The following PHACTR2 variants were observed in gnomAD, a reference collection of about 807,000 sequenced individuals.
The protein encoded by PHACTR2 is chromosome 6 open reading frame 56.
In PHACTR2, 30 loss-of-function variants were observed where a neutral mutation model predicts 76.0. The observed-to-expected ratio is 0.39, with a 90% CI of 0.30 to 0.54. PHACTR2 has a LOEUF of 0.54. Among genes scored for constraint, PHACTR2 ranks in the 20% least tolerant of loss-of-function variants. The pLI is 0.61. For synonymous variants in PHACTR2, 292 were observed against 292.5 expected (o/e 1.00, Z 0.02); for missense variants, 696 against 781.1 (o/e 0.89, Z 1.30).
intron 1 of PHACTR2, among the ~76,000 whole-genome samples, chr6:143,665,164 T>A (rs898597461): frequency 6.6e-6 from 1 of 152,232 alleles, no homozygotes; most frequent in African/African-American, 2.4e-5. Flanking sequence ...TTACTTTTAG[T>A]GAATGATTGA....
chr6:143,643,061 T>C (rs1324421105), intron 1 of PHACTR2, among the ~76,000 whole-genome samples: 1 of 152,246 alleles, frequency 6.6e-6, no homozygotes. Flanking sequence ...AGTTTCATTG[T>C]AAATTATTTT....
In PHACTR2 at chr6:143,570,254, A is replaced by G. The variant is rs1775431936; in HGVS notation, c.217+33047A>G. On this transcript the variant is annotated intron_variant, in intron 1 of 11. Transcript: ENST00000367584. This position sits in a 1 kb window ranked among gnomAD's most constrained non-coding sequence, Gnocchi z 4.6. ...TAATGATTTGCTTTGCTGATATTAAAAAACGAGGTTGCTGTTGGTCTGAGT... is the reference window on the plus strand; with the variant it reads ...TAATGATTTGCTTTGCTGATATTAAGAAACGAGGTTGCTGTTGGTCTGAGT... Among the ~76,000 whole-genome samples, 2 of 152,208 alleles carry G rather than the reference A, an allele frequency of 1.3e-5. No homozygotes were observed. The highest frequency in any genetic ancestry group is 6.5e-5 in the Admixed American group (1 of 15,280).
At position 143,597,571 on chromosome 6, in the gene PHACTR2, C is replaced by G. The variant is rs188672264; in HGVS notation, c.217+60364C>G. ...TAATTTGTCCTGGACTCTTGGATTC[C>G]TCTTCTGCTGTCTGTTTTTCCTGAT... On this transcript the variant is annotated intron_variant, in intron 1 of 11. Coordinates refer to the PHACTR2 transcript ENST00000367584. The surrounding 1 kb of genome is among the most constrained non-coding windows in gnomAD (Gnocchi z 5.7). Among the ~76,000 whole-genome samples the G allele has an allele frequency of 1.2e-3, 179 of 152,254 alleles. 1 individual carries two copies. The Middle Eastern group carries it at 0.031, about 26-fold the overall frequency.
rs142497376 is a variant in PHACTR2, at chr6:143,820,289, T to C, written c.1923-3385T>C. On this transcript the variant is annotated intron_variant, in intron 12 of 12. Transcript: ENST00000440869. The surrounding 1 kb of genome is among the most constrained non-coding windows in gnomAD (Gnocchi z 4.2). ...ATGCTTTCCCAAAAGTCCCCCAAAGTCTTAATTCATTCCAGCATTAACTCA... is the reference window on the plus strand; with the variant it reads ...ATGCTTTCCCAAAAGTCCCCCAAAGCCTTAATTCATTCCAGCATTAACTCA... Among the ~76,000 whole-genome samples, 644 of 152,320 alleles carry C rather than the reference T, an allele frequency of 4.2e-3. 2 individuals are homozygous for C. The highest frequency in any genetic ancestry group is 0.014 in the African/African-American group (569 of 41,566).
chr6:143,623,932 A>G lies in PHACTR2; in HGVS notation c.13+15610A>G, dbSNP rs1776206644. On this transcript the variant is annotated intron_variant, in intron 1 of 11. Coordinates refer to the PHACTR2 transcript ENST00000305766. The surrounding 1 kb of genome is among the most constrained non-coding windows in gnomAD (Gnocchi z 5.9). The stretch of plus-strand genomic sequence containing the variant: ...TTCTGGGTACACTCAGAGCACCCCC[A>G]TAATAAGTTGCTAATGACATGGGTC... Among the ~76,000 whole-genome samples, 1 of 152,188 alleles carries G rather than the reference A, an allele frequency of 6.6e-6. No individual in the cohort carries two copies. The highest frequency in any genetic ancestry group is 1.5e-5 in the Non-Finnish European group (1 of 68,032).
At chr6:143,586,289 A>G (rs769303494) in intron 1 of PHACTR2, among the ~76,000 whole-genome samples, 31 of 152,256 alleles carry the variant, frequency 2.0e-4, no homozygotes, top group Non-Finnish European at 3.8e-4. Context: ...TTTTTCTACG[A>G]AACCATCACA....
At position 143,678,697 on chromosome 6, in the gene PHACTR2, A is replaced by G. The variant is rs1355265502; in HGVS notation, c.46+488A>G. Among the ~76,000 whole-genome samples the G allele has an allele frequency of 1.3e-5, 2 of 152,220 alleles. No homozygotes were observed. Among genetic ancestry groups the G allele is most frequent in the Non-Finnish European group, 2.9e-5 (2 of 68,038 alleles). ...CCTGGCAGACGCTGAATACTTAATA[A>G]CTAGCCCCGAAATGCGTAATTGTTT... On this transcript the variant is annotated intron_variant, in intron 1 of 12. Coordinates refer to ENST00000440869, the MANE Select transcript of PHACTR2 (RefSeq NM_001100164.2). This position sits in a 1 kb window ranked among gnomAD's most constrained non-coding sequence, Gnocchi z 6.2.
chr6:143,807,087 A>G lies in PHACTR2; in HGVS notation c.1876A>G (p.Lys626Glu). 6.2e-7 allele frequency: 1 copy of G among 1,606,756 alleles called. No homozygotes were observed. The highest frequency in any genetic ancestry group is 1.7e-5 in the Admixed American group (1 of 59,622). ...AATAAGGAAAGAACTAAATGAATTT[A>G]AAAGCACAGAAATGGAAGTTCATGA... Reference protein sequence around the residue: ...AAIRKELNEFKSTEMEVHEES... With the variant: ...AAIRKELNEFESTEMEVHEES... The change falls in exon 12 of 13, where the codon AAA (lysine) becomes GAA (glutamate). Residue 626 changes from lysine (K) to glutamate (E), a missense_variant. Coordinates refer to ENST00000440869, the MANE Select transcript of PHACTR2 (RefSeq NM_001100164.2). This position sits in a 1 kb window ranked among gnomAD's most constrained non-coding sequence, Gnocchi z 5.5.
rs570000444 is a variant in PHACTR2, at chr6:143,713,025, C to T, written c.214+842C>T. Among the ~76,000 whole-genome samples the T allele has an allele frequency of 3.3e-5, 5 of 152,266 alleles. No individual in the cohort carries two copies. The East Asian group carries it at 9.6e-4, about 29-fold the overall frequency. On this transcript the variant is annotated intron_variant, in intron 2 of 12. Transcript: ENST00000440869. ...TTCAACGTTCCCCATGCTTACTGTC[C>T]AAGGCAATCCCTTCATCAAAATTCC...
intron 11 of PHACTR2, among the ~76,000 whole-genome samples, chr6:143,799,768 G>A (rs139107942): frequency 3.9e-4 from 60 of 151,990 alleles, no homozygotes; most frequent in African/African-American, 1.2e-3. Context: ...ATTTCTGTTC[G>A]TTTACATTTG....
At chr6:143,559,690 C>CTTTTTTTTTTTT (rs5880566) in intron 1 of PHACTR2, among the ~76,000 whole-genome samples, 6 of 31,894 alleles carry the variant, frequency 1.9e-4, no homozygotes, top group Non-Finnish European at 2.1e-4. Flanking sequence ...TTTTTCTTTT[C>CTTTTTTTTTTTT]TTTTTTTTTT....
At chr6:143,728,204 T>C (rs535465162) in intron 2 of PHACTR2, among the ~76,000 whole-genome samples, 1 of 144,964 alleles carries the variant, frequency 6.9e-6, no homozygotes, top group Admixed American at 7.0e-5. Flanking sequence ...TCTTTCCTTT[T>C]TTTTTTTCTT....
In PHACTR2 at chr6:143,760,600, T is replaced by G; in HGVS notation, c.654T>G (p.Pro218=). 6.2e-7 allele frequency: 1 copy of G among 1,613,530 alleles called. No homozygotes were observed. Among genetic ancestry groups the G allele is most frequent in the Non-Finnish European group, 8.5e-7 (1 of 1,179,790 alleles). The part of the protein sequence containing the change: ...TKAPGKQAPV[P]PPKPASRNTT... ...CTCCTGGTAAGCAGGCCCCCGTCCCTCCACCCAAGCCAGCAAGCCGAAACA... is the reference window on the plus strand; with the variant it reads ...CTCCTGGTAAGCAGGCCCCCGTCCCGCCACCCAAGCCAGCAAGCCGAAACA... Residue 218 remains proline (P), a synonymous_variant, in exon 5 of 13, where the codon CCT becomes CCG. Transcript: ENST00000440869. The surrounding 1 kb of genome is among the most constrained non-coding windows in gnomAD (Gnocchi z 6.4).
chr6:143,765,507 T>G lies in PHACTR2; in HGVS notation c.941T>G (p.Phe314Cys), dbSNP rs577746587. Reference sequence around the variant, plus strand: ...CCTGCAGAGACCAGAGTGGAGAGTTTCAAACTCGAACAGACTGTCCCTGGA... The same window carrying G: ...CCTGCAGAGACCAGAGTGGAGAGTTGCAAACTCGAACAGACTGTCCCTGGA... ...GEPAETRVES[F>C]KLEQTVPGAE... The change falls in exon 6 of 13, where the codon TTC becomes TGC. Residue 314 changes from phenylalanine (F) to cysteine (C), a missense_variant. By Grantham distance (205) the Phe-to-Cys change is radical. Transcript: ENST00000440869. The surrounding 1 kb of genome is among the most constrained non-coding windows in gnomAD (Gnocchi z 4.1). 5.6e-6 allele frequency: 9 copies of G among 1,614,202 alleles called. No homozygotes were observed. Among genetic ancestry groups the G allele is most frequent in the South Asian group, 5.5e-5 (5 of 91,082 alleles).
In PHACTR2 at chr6:143,653,087, T is replaced by G. The variant is rs1030658151; in HGVS notation, c.13+44765T>G. On this transcript the variant is annotated intron_variant, in intron 1 of 11. Transcript: ENST00000305766. The surrounding 1 kb of genome is among the most constrained non-coding windows in gnomAD (Gnocchi z 4.9). Reference sequence around the variant, plus strand: ...GCACACGGTGTGATGGTTGCCTCACTGCCAGAGCATTTGTTCTGGATGCCT... The same window carrying G: ...GCACACGGTGTGATGGTTGCCTCACGGCCAGAGCATTTGTTCTGGATGCCT... Among the ~76,000 whole-genome samples the G allele has an allele frequency of 6.6e-6, 1 of 152,220 alleles. No homozygotes were observed. The highest frequency in any genetic ancestry group is 1.5e-5 in the Non-Finnish European group (1 of 68,042).
Position 143,761,530 on chromosome 6 carries a change from G to A in PHACTR2, c.694+890G>A, listed in dbSNP as rs902026750. Among the ~76,000 whole-genome samples the A allele has an allele frequency of 2.0e-5, 3 of 152,096 alleles. No homozygotes were observed. The highest frequency in any genetic ancestry group is 7.2e-5 in the African/African-American group (3 of 41,420). ...GCACTTTGGGAGGCTGATGCGGATC[G>A]ATCACTTGAGGTCAGGAGTTCGAGA... On this transcript the variant is annotated intron_variant, in intron 5 of 12. Transcript: ENST00000440869. This position sits in a 1 kb window ranked among gnomAD's most constrained non-coding sequence, Gnocchi z 5.2.
At chr6:143,568,211 C>T (rs186906235) in intron 1 of PHACTR2, among the ~76,000 whole-genome samples, 17 of 152,322 alleles carry the variant, frequency 1.1e-4, no homozygotes, top group African/African-American at 4.1e-4. Context: ...TTGCCACCAA[C>T]TAGAGATACC....
chr6:143,803,950 G>A lies in PHACTR2; in HGVS notation c.1846-3107G>A, dbSNP rs946180449. Among the ~76,000 whole-genome samples the A allele has an allele frequency of 1.2e-4, 19 of 152,316 alleles. No homozygotes were observed. The highest frequency in any genetic ancestry group is 3.8e-4 in the African/African-American group (16 of 41,574). On this transcript the variant is annotated intron_variant, in intron 11 of 12. Transcript: ENST00000440869. The surrounding 1 kb of genome is among the most constrained non-coding windows in gnomAD (Gnocchi z 4.7). ...GGGCAAACAGGAAAAGGGTTAATGC[G>A]CATCTCTCTCTAGCAAGTCATGTGA...
rs1165295759 is a variant in PHACTR2 at position 143,556,348 on chromosome 6, G to A, written c.217+19141G>A. Among the ~76,000 whole-genome samples the A allele has an allele frequency of 6.6e-6, 1 of 152,232 alleles. No homozygotes were observed. The highest frequency in any genetic ancestry group is 1.5e-5 in the Non-Finnish European group (1 of 68,038). On this transcript the variant is annotated intron_variant, in intron 1 of 11. Transcript: ENST00000367584. The surrounding 1 kb of genome is among the most constrained non-coding windows in gnomAD (Gnocchi z 4.3). ...GTGCCAGGCACAAGGCGTGGGCCAG[G>A]AGAGTGAATATCTGGTGGAGGGAGG...
Sources: gnomAD v4.1 joint callset for allele counts (sites outside exome capture counted in the v4.1 genomes callset) on GRCh38, gnomAD v4.1.1 for gene constraint, Gnocchi (gnomAD v3.1) non-coding constraint, MANE v1.5 for transcripts, NCBI Gene and HGNC (gene_info 2026-07-23, HGNC 2026-07-21) for gene names.